FAM135B: variants seen among roughly 807,000 people sequenced by gnomAD.
FAM135B encodes protein FAM135B.
FAM135B carries 43 observed loss-of-function variants against 127.7 expected under a neutral mutation model. The observed-to-expected ratio is 0.34, with a 90% CI of 0.26 to 0.43. The LOEUF (loss-of-function observed/expected upper bound fraction) is 0.43, where lower values mean the gene tolerates loss of function less well. Among genes scored for constraint, FAM135B ranks in the 20% least tolerant of loss-of-function variants. The pLI is 1.00. For missense variants in FAM135B, 1,558 were observed against 1,725.6 expected, an observed-to-expected ratio of 0.90 and a Z score of 1.72; for synonymous variants, 670 against 665.1, an observed-to-expected ratio of 1.01 and a Z score of -0.11.
At chr8:138,354,529 A>G (rs1829969121) in intron 2 of FAM135B, among the ~76,000 whole-genome samples, 1 of 152,080 alleles carries the variant, frequency 6.6e-6, no homozygotes, top group Non-Finnish European at 1.5e-5. Context: ...TCTGTCCTCC[A>G]TCAACATCTT....
intron 1 of FAM135B, among the ~76,000 whole-genome samples, chr8:138,417,370 T>C (rs182303883): frequency 6.6e-6 from 1 of 152,152 alleles, no homozygotes; most frequent in East Asian, 1.9e-4. Context: ...AGGGCTTCCA[T>C]AGGCAGGCCC....
At chr8:138,260,431 C>T (rs1428789869) in intron 4 of FAM135B, among the ~76,000 whole-genome samples, 1 of 152,076 alleles carries the variant, frequency 6.6e-6, no homozygotes, top group African/African-American at 2.4e-5. Flanking sequence ...AGTGCCCCCG[C>T]GAAAGGGGCA....
chr8:138,495,761 C>T (rs1815367447), intron 1 of FAM135B, among the ~76,000 whole-genome samples: 3 of 152,230 alleles, frequency 2.0e-5, no homozygotes, highest in Admixed American at 2.0e-4. Flanking sequence ...CAGTCCATCA[C>T]ACTGTATGGA....
intron 2 of FAM135B, among the ~76,000 whole-genome samples, chr8:138,346,447 G>A (rs1299715129): frequency 6.6e-6 from 1 of 152,220 alleles, no homozygotes; most frequent in African/African-American, 2.4e-5. Flanking sequence ...ACTGGGTAAA[G>A]AAAATGTGTT....
In FAM135B at chr8:138,367,986, TC is replaced by T. The variant is rs1364747498; in HGVS notation, c.-4del. 4 of 1,613,266 alleles carry T rather than the reference TC, an allele frequency of 2.5e-6. No homozygotes were observed. The East Asian group carries it at 8.9e-5, about 36-fold the overall frequency. The stretch of plus-strand genomic sequence containing the variant: ...ACCGTTCCTTGTATTTCAGACATGA[TC>T]TTTTTGGCTCATTACCTGAAAAACA... On this transcript the variant is annotated 5_prime_UTR_variant, in exon 2 of 20. Transcript: ENST00000395297.
chr8:138,251,415 T>C (rs911529929), intron 5 of FAM135B, among the ~76,000 whole-genome samples: 8 of 152,224 alleles, frequency 5.3e-5, no homozygotes, highest in Non-Finnish European at 1.2e-4. Flanking sequence ...CTGCACTGAC[T>C]GTGTGACCCT....
intron 1 of FAM135B, among the ~76,000 whole-genome samples, chr8:138,400,419 A>C (rs1587354412): frequency 6.6e-6 from 1 of 152,310 alleles, no homozygotes; most frequent in South Asian, 2.1e-4. Flanking sequence ...ATAGACTTGA[A>C]GCCTGGTCAT....
chr8:138,265,911 G>A (rs2130634719), intron 3 of FAM135B, 69 bp from the exon 4 acceptor site: 7 of 1,509,122 alleles, frequency 4.6e-6, no homozygotes, highest in Middle Eastern at 2.4e-4. Context: ...CCTGTCAGGT[G>A]TCTTTCCTGC....
chr8:138,200,267 A>T (rs956940068), intron 7 of FAM135B, among the ~76,000 whole-genome samples: 4 of 152,208 alleles, frequency 2.6e-5, no homozygotes, highest in Admixed American at 6.5e-5. Context: ...GAACCAGAAA[A>T]CTCAACCAAC....
chr8:138,283,402 G>A (rs1033938896), intron 3 of FAM135B, among the ~76,000 whole-genome samples: 2 of 145,386 alleles, frequency 1.4e-5, no homozygotes, highest in African/African-American at 5.1e-5. Flanking sequence ...TTCTGAAAAA[G>A]ACAAAACTAT....
chr8:138,200,156 A>C (rs1035851221), intron 7 of FAM135B, among the ~76,000 whole-genome samples: 1 of 152,224 alleles, frequency 6.6e-6, no homozygotes, highest in Non-Finnish European at 1.5e-5. Flanking sequence ...TGCATTTCTC[A>C]GCTCTGAAGT....
chr8:138,187,293 G>GT (rs1815668914), intron 9 of FAM135B, among the ~76,000 whole-genome samples: 1 of 152,224 alleles, frequency 6.6e-6, no homozygotes, highest in African/African-American at 2.4e-5. Context: ...GGAAAAATTC[G>GT]TATCTGCAGA....
At chr8:138,368,206 A>T (rs1455146802) in intron 1 of FAM135B, among the ~76,000 whole-genome samples, 1 of 152,194 alleles carries the variant, frequency 6.6e-6, no homozygotes, top group Non-Finnish European at 1.5e-5. Flanking sequence ...TTCTACCTGG[A>T]AGGGCCAGGA....
intron 1 of FAM135B, among the ~76,000 whole-genome samples, chr8:138,383,800 A>G (rs1832016294): frequency 6.6e-6 from 1 of 152,098 alleles, no homozygotes; most frequent in South Asian, 2.1e-4. Flanking sequence ...CTCCCTGACC[A>G]TTGCTGTATA....
intron 9 of FAM135B, among the ~76,000 whole-genome samples, chr8:138,191,197 G>A (rs1250285348): frequency 6.6e-6 from 1 of 152,244 alleles, no homozygotes. Flanking sequence ...TGAGCACTGT[G>A]CACCTGTGAC....
chr8:138,458,324 T>G (rs2131608485), intron 1 of FAM135B, among the ~76,000 whole-genome samples: 1 of 152,314 alleles, frequency 6.6e-6, no homozygotes, highest in South Asian at 2.1e-4. Flanking sequence ...AATTCAATAT[T>G]TATTAAGTGA....
At chr8:138,183,671 G>C (rs1193880951) in intron 9 of FAM135B, among the ~76,000 whole-genome samples, 2 of 152,156 alleles carry the variant, frequency 1.3e-5, no homozygotes, top group Admixed American at 1.3e-4. Flanking sequence ...TATAACAACA[G>C]CATAGCAATA....
At chr8:138,456,212 T>C (rs550107056) in intron 1 of FAM135B, among the ~76,000 whole-genome samples, 18 of 152,336 alleles carry the variant, frequency 1.2e-4, no homozygotes, top group East Asian at 3.9e-4. Flanking sequence ...CCCAGATTTA[T>C]ACTTTAAATC....
chr8:138,422,179 C>T (rs1294507115), intron 1 of FAM135B, among the ~76,000 whole-genome samples: 1 of 152,040 alleles, frequency 6.6e-6, no homozygotes, highest in Non-Finnish European at 1.5e-5. Context: ...TAGAAGAAAA[C>T]CTAGGAAATA....
Sources: allele counts gnomAD v4.1 joint callset (sites outside exome capture counted in the v4.1 genomes callset), GRCh38; gene constraint gnomAD v4.1.1; transcripts MANE v1.5; gene names NCBI Gene and HGNC (gene_info 2026-07-23, HGNC 2026-07-21).